HIP1R: variants seen among roughly 807,000 people sequenced by gnomAD.
HIP1R encodes the protein huntingtin interacting protein 1 related.
In HIP1R, 135 loss-of-function variants were observed where a neutral mutation model predicts 144.2. The observed-to-expected ratio is 0.94, with a 90% CI of 0.81 to 1.08. The LOEUF is 1.08. Among genes scored for constraint, HIP1R ranks in the 50% least tolerant of loss-of-function variants. The probability of loss-of-function intolerance (pLI) is 0.00; values close to 1 mark genes in which losing one functional copy is unlikely to be tolerated. For synonymous variants in HIP1R, 698 were observed against 612.8 expected, an observed-to-expected ratio of 1.14 and a Z score of -2.05; for missense variants, 1,462 against 1,432.8, an observed-to-expected ratio of 1.02 and a Z score of -0.33.
chr12:122,858,479 G>C, intron 20 of HIP1R, 44 bp downstream of exon 20: 1 of 1,481,824 alleles, frequency 6.7e-7, no homozygotes, highest in Non-Finnish European at 9.2e-7. Flanking sequence ...CTGTGTCCCA[G>C]TTCCAGCGCC....
intron 1 of HIP1R, among the ~76,000 whole-genome samples, chr12:122,842,579 C>T (rs1490482472): frequency 1.3e-5 from 2 of 152,140 alleles, no homozygotes; most frequent in Non-Finnish European, 2.9e-5. Flanking sequence ...AGAGTATGAT[C>T]GGTGGACAGA....
Position 122,858,398 on chromosome 12 carries a change from G to A in HIP1R, c.2013G>A (p.Leu671=). Residue 671 remains leucine, a synonymous_variant, in exon 20 of 32, where the codon CTG becomes CTA. Transcript: ENST00000253083. ...AQEALDAVST[L]EEGHAQYLTS... is the part of the protein sequence containing the mutation. ...AGGCCTTGGATGCCGTGAGCACCCT[G>A]GAGGAGGGCCACGCCCAGTACCTGA... 6.2e-7 allele frequency: 1 copy of A among 1,611,062 alleles called. No individual in the cohort carries two copies. The highest frequency in any genetic ancestry group is 1.7e-5 in the Admixed American group (1 of 59,864).
chr12:122,859,824 A>G lies in HIP1R; in HGVS notation c.2459A>G (p.Asn820Ser), dbSNP rs747771216. The G allele has an allele frequency of 8.1e-6, 13 of 1,612,304 alleles. No homozygotes were observed. The highest frequency in any genetic ancestry group is 1.7e-5 in the Admixed American group (1 of 59,924). ...AGCTCGGGGGTGAAGCTGGAGGTGA[A>G]CGAGAGGTGAGCCCCCCTTCTGTCC... ...HASSGVKLEV[N>S]ERILNSCTDL... Residue 820 changes from asparagine to serine, a missense_variant, in exon 24 of 32, where the codon AAC (asparagine) becomes AGC (serine). Physicochemically the swap from Asn to Ser is conservative, Grantham distance 46. Coordinates refer to ENST00000253083, the MANE Select transcript of HIP1R (RefSeq NM_003959.3).
At position 122,850,835 on chromosome 12, in the gene HIP1R, C is replaced by T; in HGVS notation, c.439C>T (p.His147Tyr). The change falls in exon 6 of 32, where the codon CAT becomes TAT. Residue 147 changes from histidine (H) to tyrosine (Y), a missense_variant and splice_region_variant. Physicochemically the swap from His to Tyr is moderately conservative, Grantham distance 83. Around this residue, in one of 2 missense-constraint regions of HIP1R, gnomAD observed 350 missense variants for 421.1 expected, o/e 0.83. Coordinates refer to ENST00000253083, the MANE Select transcript of HIP1R (RefSeq NM_003959.3). ...CGCTGGGTGGGGGTTCTCTCCACAG[C>T]ATCCCCAGTTTCCCGCGGGCCTGGA... ...LLTKISFHLK[H>Y]PQFPAGLEVT... 1 of 1,608,424 alleles carries T rather than the reference C, an allele frequency of 6.2e-7. No individual in the cohort carries two copies. The highest frequency in any genetic ancestry group is 2.3e-5 in the East Asian group (1 of 44,338).
At position 122,850,859 on chromosome 12, in the gene HIP1R, G is replaced by A; in HGVS notation, c.463G>A (p.Glu155Lys). ...GCATCCCCAGTTTCCCGCGGGCCTG[G>A]AGGTGACAGATGAGGTACTGGAGAA... Reference protein sequence around the residue: ...LKHPQFPAGLEVTDEVLEKAA... With the variant: ...LKHPQFPAGLKVTDEVLEKAA... The change falls in exon 6 of 32, where the codon GAG becomes AAG. Residue 155 changes from glutamate to lysine, a missense_variant. Glu to Lys is a moderately conservative substitution (Grantham distance 56). Around this residue, in one of 2 missense-constraint regions of HIP1R, gnomAD observed 350 missense variants for 421.1 expected, o/e 0.83. Coordinates refer to ENST00000253083, the MANE Select transcript of HIP1R (RefSeq NM_003959.3). 1 of 1,610,860 alleles carries A rather than the reference G, an allele frequency of 6.2e-7. No individual in the cohort carries two copies. Among genetic ancestry groups the A allele is most frequent in the Non-Finnish European group, 8.5e-7 (1 of 1,179,034 alleles).
At position 122,860,996 on chromosome 12, in the gene HIP1R, G is replaced by C. The variant is rs781172924; in HGVS notation, c.2847G>C (p.Val949=). ...SRTVNERAAN[V]VASTKSGQEQ... is the part of the protein sequence containing the mutation. ...CAGTCAATGAGAGGGCTGCCAATGTGGTGGCCTCCACCAAGTCAGGCCAGG... is the reference window on the plus strand; with the variant it reads ...CAGTCAATGAGAGGGCTGCCAATGTCGTGGCCTCCACCAAGTCAGGCCAGG... Residue 949 remains valine (V), a synonymous_variant, in exon 29 of 32, where the codon GTG becomes GTC. Coordinates refer to ENST00000253083, the MANE Select transcript of HIP1R (RefSeq NM_003959.3). The C allele has an allele frequency of 1.1e-5, 17 of 1,613,574 alleles. No individual in the cohort carries two copies. Among genetic ancestry groups the C allele is most frequent in the Non-Finnish European group, 1.4e-5 (16 of 1,180,012 alleles).
chr12:122,835,721 A>C, intron 1 of HIP1R, 78 bp downstream of exon 1: 2 of 932,232 alleles, frequency 2.1e-6, no homozygotes, highest in Non-Finnish European at 2.6e-6. Flanking sequence ...CTCACGCGCG[A>C]ACGGCTGGGG....
Position 122,836,313 on chromosome 12 carries a change from C to T in HIP1R, c.93+670C>T, listed in dbSNP as rs1225647797. Among the ~76,000 whole-genome samples the T allele has an allele frequency of 6.6e-6, 1 of 152,278 alleles. No individual in the cohort carries two copies. Among genetic ancestry groups the T allele is most frequent in the East Asian group, 1.9e-4 (1 of 5,172 alleles). ...GCCCACGTATAAATAGGTGCACACC[C>T]CCTCATTAAATACCGGCGCCCGACA... On this transcript the variant is annotated intron_variant, in intron 1 of 31. Coordinates refer to ENST00000253083, the MANE Select transcript of HIP1R (RefSeq NM_003959.3). This position sits in a 1 kb window ranked among gnomAD's most constrained non-coding sequence, Gnocchi z 4.1.
At chr12:122,853,200 C>A (rs1309978242) in intron 7 of HIP1R, among the ~76,000 whole-genome samples, 1 of 152,040 alleles carries the variant, frequency 6.6e-6, no homozygotes. Flanking sequence ...CTTGGTAGTT[C>A]TGATACAAGG....
rs1387081903 is a variant in HIP1R, at chr12:122,859,471, G to T, written c.2341G>T (p.Ala781Ser). ...AGATGTGCGGCAGGAGGAGCTGGGGGCCGTGGTCGACAAGGAGATGGCGGC... is the reference window on the plus strand; with the variant it reads ...AGATGTGCGGCAGGAGGAGCTGGGGTCCGTGGTCGACAAGGAGATGGCGGC... Reference protein sequence around the residue: ...SLDVRQEELGAVVDKEMAATS... With the variant: ...SLDVRQEELGSVVDKEMAATS... Residue 781 changes from alanine to serine, a missense_variant, in exon 23 of 32, where the codon GCC becomes TCC. Ala to Ser is a moderately conservative substitution (Grantham distance 99, BLOSUM62 1). Around this residue, in one of 2 missense-constraint regions of HIP1R, gnomAD observed 1,112 missense variants for 1,011.7 expected, o/e 1.10. Transcript: ENST00000253083. The T allele has an allele frequency of 3.1e-6, 5 of 1,613,552 alleles. No homozygotes were observed. Among genetic ancestry groups the T allele is most frequent in the Non-Finnish European group, 4.2e-6 (5 of 1,179,982 alleles).
At position 122,835,524 on chromosome 12, in the gene HIP1R, C is replaced by G. The variant is rs895750325; in HGVS notation, c.-27C>G. The G allele has an allele frequency of 1.5e-6, 2 of 1,322,864 alleles. No individual in the cohort carries two copies. The highest frequency in any genetic ancestry group is 1.8e-5 in the South Asian group (1 of 56,076). 81.9% of individuals were successfully genotyped at this position (1,322,864 alleles called of 1,614,324 possible). A position where few individuals can be genotyped will look rare whatever the true frequency, so the allele number is the denominator to read the frequency against. On this transcript the variant is annotated 5_prime_UTR_variant, in exon 1 of 32. Transcript: ENST00000253083. ...AGGCTGTGAGTCGCGCGGACGGAGC[C>G]GGACAAAAGCGGGCGGCGGCGGCAG...
chr12:122,844,872 C>T (rs751764312), intron 1 of HIP1R, among the ~76,000 whole-genome samples: 9 of 152,172 alleles, frequency 5.9e-5, no homozygotes, highest in East Asian at 1.9e-4. Context: ...TTGTTCTGCC[C>T]GAGGGGCCAC....
At chr12:122,835,664 GGGCGGCGGGC>G (rs1329302624) in intron 1 of HIP1R, 21 bp downstream of exon 1, 10 of 1,105,280 alleles carry the variant, frequency 9.0e-6, no homozygotes, top group African/African-American at 5.3e-5. Context: ...GGCGGGCGGC[GGGCGGCGGGC>G]GGCGGCGGGC....
chr12:122,851,290 T>A lies in HIP1R; in HGVS notation c.570T>A (p.Ser190=). The A allele has an allele frequency of 6.4e-7, 1 of 1,555,450 alleles. No homozygotes were observed. The highest frequency in any genetic ancestry group is 8.6e-7 in the Non-Finnish European group (1 of 1,158,114). The change falls in exon 7 of 32, where the codon TCT becomes TCA. Residue 190 remains serine (S), a synonymous_variant. Transcript: ENST00000253083. The stretch of plus-strand genomic sequence containing the variant: ...ACATGGATTGTGAGCTGAAGCTTTC[T>A]GAATCAGGTGAGCCGTAAAGAGGGG... ...FDYMDCELKL[S]ESVFRQLNTA...
intron 1 of HIP1R, among the ~76,000 whole-genome samples, chr12:122,842,544 G>C (rs1013054054): frequency 7.2e-5 from 11 of 152,204 alleles, no homozygotes; most frequent in African/African-American, 2.7e-4. Context: ...AGATGTCCCT[G>C]TATTCGGGGG....
At chr12:122,841,742 C>A (rs987697078) in intron 1 of HIP1R, among the ~76,000 whole-genome samples, 2 of 152,128 alleles carry the variant, frequency 1.3e-5, no homozygotes, top group Admixed American at 1.3e-4. Context: ...GACCTGGCTG[C>A]CTGTCACTTC....
intron 2 of HIP1R, 104 bp from the exon 3 acceptor site, chr12:122,848,362 G>C: frequency 7.0e-7 from 1 of 1,418,854 alleles, no homozygotes; most frequent in Non-Finnish European, 9.6e-7. Flanking sequence ...ATGGGCACGT[G>C]ATTGGGGGCC....
chr12:122,860,614 T>C lies in HIP1R; in HGVS notation c.2661-65T>C, dbSNP rs1218301587. The C allele has an allele frequency of 2.0e-6, 3 of 1,532,442 alleles. No individual in the cohort carries two copies. In the East Asian group the frequency reaches 6.8e-5, roughly 35 times the overall value. The allele number at this position is 1,532,442 out of a possible 1,614,324, so 94.9% of individuals were successfully genotyped here. A position where few individuals can be genotyped will look rare whatever the true frequency, so the allele number is the denominator to read the frequency against. On this transcript the variant is annotated intron_variant, in intron 27 of 31. Coordinates refer to ENST00000253083, the MANE Select transcript of HIP1R (RefSeq NM_003959.3). ...AACAGGGTGCAGGGAGTAGAGGGGG[T>C]GTGGAGTGGTGCCAGCCGTCCGTGG...
Position 122,860,482 on chromosome 12 carries a change from C to T in HIP1R, c.2619C>T (p.Ile873=), listed in dbSNP as rs1290461388. Residue 873 remains isoleucine, a synonymous_variant, in exon 27 of 32, where the codon ATC becomes ATT. Transcript: ENST00000253083. ...AKNSRWTEGL[I]SASKAVGWGA... ...ACTCGCGCTGGACCGAAGGCCTCAT[C>T]TCGGCCTCCAAGGCTGTGGGCTGGG... 6.2e-7 allele frequency: 1 copy of T among 1,613,202 alleles called. No homozygotes were observed. Among genetic ancestry groups the T allele is most frequent in the African/African-American group, 1.3e-5 (1 of 74,926 alleles).
Sources: allele counts gnomAD v4.1 joint callset (sites outside exome capture counted in the v4.1 genomes callset), GRCh38; gene constraint gnomAD v4.1.1; regional missense constraint gnomAD v4.1.1; non-coding constraint Gnocchi (gnomAD v3.1); transcripts MANE v1.5; gene names NCBI Gene and HGNC (gene_info 2026-07-23, HGNC 2026-07-21).